The following PLCG2 variants were observed in gnomAD, a reference collection of about 807,000 sequenced individuals.
PLCG2 encodes 1-phosphatidylinositol 4,5-bisphosphate phosphodiesterase gamma-2.
Under a neutral mutation model 175.6 loss-of-function variants are expected in PLCG2, and 69 were observed. The ratio of observed to expected loss-of-function variants is 0.39; its 90% CI spans 0.32 to 0.48. PLCG2 has a LOEUF of 0.48. Ranked by LOEUF, PLCG2 falls within the 20% of genes least tolerant of loss-of-function variation. The pLI, the probability that PLCG2 is intolerant of heterozygous loss-of-function variation, is 0.91. For missense variants in PLCG2, 1,798 were observed against 1,650.9 expected, an observed-to-expected ratio of 1.09 and a Z score of -1.54; for synonymous variants, 827 against 624.0, an observed-to-expected ratio of 1.33 and a Z score of -4.85.
intron 2 of PLCG2, among the ~76,000 whole-genome samples, chr16:81,792,211 G>A (rs1358549182): frequency 6.6e-6 from 1 of 151,768 alleles, no homozygotes; most frequent in Admixed American, 6.6e-5. Flanking sequence ...CCTGGGCACA[G>A]TGGCTCACAC....
chr16:81,846,398 C>T (rs1453332393), intron 2 of PLCG2, among the ~76,000 whole-genome samples: 6 of 152,222 alleles, frequency 3.9e-5, no homozygotes, highest in Admixed American at 3.3e-4. Context: ...CCTGCACTCT[C>T]CCAGTAAACA....
chr16:81,851,326 A>G (rs949818425), intron 2 of PLCG2, among the ~76,000 whole-genome samples: 11 of 152,222 alleles, frequency 7.2e-5, no homozygotes, highest in African/African-American at 2.7e-4. Context: ...GCTATTAATG[A>G]AACTGCAGAT....
intron 9 of PLCG2, among the ~76,000 whole-genome samples, chr16:81,886,569 C>A (rs1034968146): frequency 1.3e-5 from 2 of 152,242 alleles, no homozygotes; most frequent in Middle Eastern, 3.4e-3. Flanking sequence ...ATCTAAATTT[C>A]TTTAGAGGAT....
chr16:81,932,590 A>G (rs7500286), intron 25 of PLCG2, among the ~76,000 whole-genome samples: 83,840 of 152,030 alleles, frequency 0.55, 24,532 homozygotes, highest in East Asian at 0.81. Context: ...CAAGATAGTC[A>G]CCCACCAGTG....
chr16:81,901,920 G>A (rs1168810245), intron 14 of PLCG2, among the ~76,000 whole-genome samples: 1 of 152,172 alleles, frequency 6.6e-6, no homozygotes, highest in East Asian at 1.9e-4. Context: ...TTATTATTCT[G>A]AGAAAAGGGT....
At chr16:81,902,537 C>T (rs1254839614) in intron 14 of PLCG2, among the ~76,000 whole-genome samples, 1 of 152,012 alleles carries the variant, frequency 6.6e-6, no homozygotes, top group Non-Finnish European at 1.5e-5. Context: ...ATATCTTTGG[C>T]CTCTTTTATA....
chr16:81,817,851 C>G (rs117978715), intron 2 of PLCG2, among the ~76,000 whole-genome samples: 3,279 of 152,232 alleles, frequency 0.022, 71 homozygotes, highest in Middle Eastern at 0.037. Context: ...CCAGGGTAGG[C>G]AAAAATGAGA....
intron 25 of PLCG2, 21 bp downstream of exon 25, chr16:81,931,675 G>A (rs1910509293): frequency 1.2e-6 from 2 of 1,609,224 alleles, no homozygotes; most frequent in South Asian, 1.1e-5. Flanking sequence ...GCTCACCCGG[G>A]TGCAGGTGGG....
At chr16:81,862,937 G>C (rs1042806520) in intron 5 of PLCG2, among the ~76,000 whole-genome samples, 10 of 152,094 alleles carry the variant, frequency 6.6e-5, no homozygotes, top group African/African-American at 2.4e-4. Context: ...GCTGTTGAGA[G>C]CTGGGGGAAA....
intron 1 of PLCG2, among the ~76,000 whole-genome samples, chr16:81,754,346 C>T (rs1909876256): frequency 1.1e-5 from 1 of 88,758 alleles, no homozygotes; most frequent in African/African-American, 4.6e-5. Context: ...CCGCCCATCC[C>T]CACCTCCTCC....
intron 5 of PLCG2, among the ~76,000 whole-genome samples, chr16:81,861,013 CA>C (rs1014916616): frequency 6.6e-6 from 1 of 151,758 alleles, no homozygotes; most frequent in African/African-American, 2.4e-5. Flanking sequence ...CAAAAAACAA[CA>C]AAAAAACCCA....
chr16:81,944,099 G>A (rs1911059465), intron 30 of PLCG2, among the ~76,000 whole-genome samples: 1 of 152,220 alleles, frequency 6.6e-6, no homozygotes, highest in Non-Finnish European at 1.5e-5. Context: ...ATAAAATTGT[G>A]TATCAGAAGA....
intron 16 of PLCG2, 64 bp downstream of exon 16, chr16:81,907,838 C>G: frequency 2.5e-6 from 3 of 1,193,954 alleles, no homozygotes; most frequent in Non-Finnish European, 3.7e-6. Flanking sequence ...CAGCCAGTCC[C>G]CGGGACCTCC....
intron 2 of PLCG2, among the ~76,000 whole-genome samples, chr16:81,794,451 A>C (rs962785728): frequency 2.0e-5 from 3 of 152,192 alleles, no homozygotes; most frequent in African/African-American, 7.2e-5. Flanking sequence ...CATCAGAAAT[A>C]AGACGCAACC....
At chr16:81,796,746 G>C (rs1404113812) in intron 2 of PLCG2, among the ~76,000 whole-genome samples, 2 of 152,202 alleles carry the variant, frequency 1.3e-5, no homozygotes, top group Non-Finnish European at 2.9e-5. Flanking sequence ...AGAAATCTGA[G>C]TCATGCATCT....
intron 1 of PLCG2, among the ~76,000 whole-genome samples, chr16:81,779,644 G>A (rs527282614): frequency 6.6e-6 from 1 of 152,110 alleles, no homozygotes; most frequent in Non-Finnish European, 1.5e-5. Flanking sequence ...TCCTCACCCC[G>A]GGCCGGCGCC....
chr16:81,782,001 A>T (rs868779228), intron 1 of PLCG2, among the ~76,000 whole-genome samples: 1 of 151,966 alleles, frequency 6.6e-6, no homozygotes, highest in Non-Finnish European at 1.5e-5. Context: ...CCTCACGAGT[A>T]GCTGGGATTA....
intron 9 of PLCG2, among the ~76,000 whole-genome samples, chr16:81,886,230 C>T (rs937346692): frequency 2.0e-5 from 3 of 152,182 alleles, no homozygotes; most frequent in African/African-American, 7.2e-5. Flanking sequence ...CCAAACGGGG[C>T]CCTTTGCTGG....
At chr16:81,873,865 A>G (rs528474587) in intron 7 of PLCG2, among the ~76,000 whole-genome samples, 1 of 152,242 alleles carries the variant, frequency 6.6e-6, no homozygotes, top group African/African-American at 2.4e-5. Flanking sequence ...CACTGTGGTA[A>G]CATTCCACAT....
Sources: gnomAD v4.1 joint callset for allele counts (sites outside exome capture counted in the v4.1 genomes callset) on GRCh38, gnomAD v4.1.1 for gene constraint, MANE v1.5 for transcripts, NCBI Gene and HGNC (gene_info 2026-07-23, HGNC 2026-07-21) for gene names.